The following WASHC2C variants were observed in gnomAD, a reference collection of about 807,000 sequenced individuals.
WASHC2C encodes WASH complex subunit 2C, also known as Vaccinia Penetration Factor.
WASHC2C carries 73 observed loss-of-function variants against 142.2 expected under a neutral mutation model. The observed-to-expected ratio is 0.51, with a 90% CI of 0.43 to 0.62. The LOEUF is 0.62. WASHC2C is among the 20% of genes least tolerant of loss of function. The pLI, the probability that WASHC2C is intolerant of heterozygous loss-of-function variation, is 0.00. For missense variants in WASHC2C, 969 were observed against 1,531.7 expected, an observed-to-expected ratio of 0.63 and a Z score of 6.13; for synonymous variants, 337 against 565.5, an observed-to-expected ratio of 0.60 and a Z score of 5.73.
intron 19 of WASHC2C, among the ~76,000 whole-genome samples, chr10:45,766,332 C>T (rs61855825): frequency 0.18 from 22,263 of 126,518 alleles, no homozygotes; most frequent in East Asian, 0.37. Flanking sequence ...CTCAGCAAGG[C>T]CTGTGTGGTC....
intron 3 of WASHC2C, among the ~76,000 whole-genome samples, chr10:45,737,768 AT>A (rs782072881): frequency 0.053 from 7,162 of 135,622 alleles, 142 homozygotes; most frequent in African/African-American, 0.086. Context: ...TTGTATTTAA[AT>A]TTTTTTTTTT....
rs138206851 is a variant in WASHC2C, at chr10:45,786,815, C to T, written c.2874+141C>T. 3.8e-3 allele frequency: 5,778 copies of T among 1,535,488 alleles called. 174 individuals carry two copies. The African/African-American group carries it at 0.069, about 18-fold the overall frequency. ...CTCCCCTGCACCTAGTTGTTGTCTC[C>T]TGTGTGCTGCGTCTTTAACATCTAT... On this transcript the variant is annotated intron_variant, in intron 27 of 30. Transcript: ENST00000623400.
chr10:45,785,474 T>C, intron 25 of WASHC2C, 35 bp from the exon 26 acceptor site: 1 of 1,610,324 alleles, frequency 6.2e-7, no homozygotes, highest in East Asian at 2.2e-5. Flanking sequence ...TTCTAAGATA[T>C]TTGATGCCTT....
At chr10:45,739,626 CTT>C (rs1475246066) in intron 4 of WASHC2C, among the ~76,000 whole-genome samples, 2 of 142,228 alleles carry the variant, frequency 1.4e-5, no homozygotes, top group Non-Finnish European at 3.1e-5. Context: ...TTTTTTGTCT[CTT>C]TAAACTGTAA....
At chr10:45,734,266 C>CA (rs1228593232) in intron 3 of WASHC2C, among the ~76,000 whole-genome samples, 5 of 151,636 alleles carry the variant, frequency 3.3e-5, no homozygotes, top group African/African-American at 7.3e-5. Flanking sequence ...ATTGAACCTA[C>CA]AAAAAATCAG....
intron 28 of WASHC2C, 148 bp downstream of exon 28, chr10:45,787,395 C>T (rs1310357169): frequency 6.7e-7 from 1 of 1,495,670 alleles, no homozygotes; most frequent in Admixed American, 1.9e-5. Flanking sequence ...CTCCCCCCTC[C>T]ATTCTCCCCA....
At chr10:45,731,793 CTTT>C (rs782728565) in intron 3 of WASHC2C, among the ~76,000 whole-genome samples, 1 of 109,844 alleles carries the variant, frequency 9.1e-6, no homozygotes. Context: ...AGTGATCTGG[CTTT>C]TTTTTTTTTT....
chr10:45,752,809 C>T (rs2053772988), intron 12 of WASHC2C, 103 bp downstream of exon 12: 2 of 758,604 alleles, frequency 2.6e-6, no homozygotes. Flanking sequence ...AACAGTTTCT[C>T]AGTTGGAAGT....
At chr10:45,738,905 C>T (rs1255200457) in intron 4 of WASHC2C, among the ~76,000 whole-genome samples, 3 of 152,170 alleles carry the variant, frequency 2.0e-5, no homozygotes, top group African/African-American at 7.2e-5. Context: ...CGGGGTTTCG[C>T]CATGTTGGCC....
chr10:45,752,648 G>C lies in WASHC2C; in HGVS notation c.1064G>C (p.Gly355Ala). ...KLTDEDFSPFGSGGGLFSGGK... is the reference protein window; with the variant it reads ...KLTDEDFSPFASGGGLFSGGK... ...ACCGACGAGGACTTCTCGCCATTTG[G>C]CTCTGGAGGTGGCCTGTTCAGTGGC... The change falls in exon 12 of 31, where the codon GGC (glycine) becomes GCC (alanine). Residue 355 changes from glycine to alanine, a missense_variant. Coordinates refer to ENST00000623400, the MANE Select transcript of WASHC2C (RefSeq NM_001330074.2). The C allele has an allele frequency of 6.2e-7, 1 of 1,609,870 alleles. No homozygotes were observed. The highest frequency in any genetic ancestry group is 8.5e-7 in the Non-Finnish European group (1 of 1,178,916).
intron 5 of WASHC2C, among the ~76,000 whole-genome samples, chr10:45,742,543 T>A (rs1476420420): frequency 6.6e-6 from 1 of 152,256 alleles, no homozygotes; most frequent in Non-Finnish European, 1.5e-5. Context: ...CTCAAACTCC[T>A]GACCTCAAGT....
At chr10:45,742,437 C>G (rs2052210343) in intron 5 of WASHC2C, among the ~76,000 whole-genome samples, 2 of 151,942 alleles carry the variant, frequency 1.3e-5, no homozygotes, top group South Asian at 4.1e-4. Context: ...GTCTTAGTCT[C>G]CTGAGTAAAT....
rs1434492558 is a variant in WASHC2C, at chr10:45,752,580, T to C, written c.1004-8T>C. ...ACTCCCTGCAAAACATTGCTTTCTG[T>C]TTGCTAGATGAAGAGGATAACTTAT... On this transcript the variant is annotated splice_region_variant and splice_polypyrimidine_tract_variant and intron_variant, in intron 11 of 30. Coordinates refer to ENST00000623400, the MANE Select transcript of WASHC2C (RefSeq NM_001330074.2). 6 of 1,601,614 alleles carry C rather than the reference T, an allele frequency of 3.7e-6. No individual in the cohort carries two copies. The East Asian group carries it at 1.1e-4, about 30-fold the overall frequency.
chr10:45,768,438 C>A (rs1293233571), intron 19 of WASHC2C, among the ~76,000 whole-genome samples: 2 of 152,080 alleles, frequency 1.3e-5, no homozygotes, highest in Non-Finnish European at 2.9e-5. Context: ...ATCACCCAGG[C>A]ACCCTGTGAA....
At chr10:45,745,297 G>A (rs1414748193) in intron 7 of WASHC2C, among the ~76,000 whole-genome samples, 4 of 151,894 alleles carry the variant, frequency 2.6e-5, no homozygotes, top group African/African-American at 2.4e-5. Flanking sequence ...AGGATATACC[G>A]AAAGCCACCA....
Position 45,755,073 on chromosome 10 carries a change from G to A in WASHC2C, c.1378G>A (p.Asp460Asn), listed in dbSNP as rs782597041. 13 of 1,611,440 alleles carry A rather than the reference G, an allele frequency of 8.1e-6. No individual in the cohort carries two copies. The highest frequency in any genetic ancestry group is 1.7e-5 in the Admixed American group (1 of 59,936). The change falls in exon 15 of 31, where the codon GAC (aspartate) becomes AAC (asparagine). Residue 460 changes from aspartate (D) to asparagine (N), a missense_variant. Coordinates refer to ENST00000623400, the MANE Select transcript of WASHC2C (RefSeq NM_001330074.2). ...LFDDDDGDDD[D>N]DFFSAPHSKP... ...TGATGATGATGATGGTGATGATGAT[G>A]ACGACTTTTTCTCGGCACCCCACAG...
chr10:45,766,633 G>A (rs868914926), intron 19 of WASHC2C, among the ~76,000 whole-genome samples: 819 of 143,126 alleles, frequency 5.7e-3, no homozygotes, highest in African/African-American at 0.021. Flanking sequence ...ATAGTTAGGA[G>A]GAGTTACCTA....
At chr10:45,773,053 G>T (rs1175657015) in intron 20 of WASHC2C, among the ~76,000 whole-genome samples, 1 of 145,436 alleles carries the variant, frequency 6.9e-6, no homozygotes, top group East Asian at 2.0e-4. Context: ...AGGGACAGAG[G>T]CTGGTGATTT....
In WASHC2C at chr10:45,728,834, A is replaced by G. The variant is rs764658001; in HGVS notation, c.127-28A>G. ...CAGAATAGTTACATGTAACATTGAT[A>G]CTACTGTATGTTTATTTTTTAAAAT... On this transcript the variant is annotated intron_variant, in intron 2 of 30. Coordinates refer to ENST00000623400, the MANE Select transcript of WASHC2C (RefSeq NM_001330074.2). 4 of 1,606,456 alleles carry G rather than the reference A, an allele frequency of 2.5e-6. 1 individual carries two copies. In the South Asian group the frequency reaches 3.3e-5, roughly 13 times the overall value.
Sources: gnomAD v4.1 joint callset for allele counts (sites outside exome capture counted in the v4.1 genomes callset) on GRCh38, gnomAD v4.1.1 for gene constraint, MANE v1.5 for transcripts, NCBI Gene and HGNC (gene_info 2026-07-23, HGNC 2026-07-21) for gene names.